The following EDA variants were observed in gnomAD, a reference collection of about 807,000 sequenced individuals.
The protein encoded by EDA is ectodysplasin-A.
A neutral mutation model predicts 23.6 loss-of-function variants in EDA; 2 were observed. The observed-to-expected ratio is 0.08, with a 90% CI of 0.03 to 0.27. EDA has a LOEUF of 0.27. Among genes scored for constraint, EDA ranks in the 10% least tolerant of loss-of-function variants. The probability of loss-of-function intolerance (pLI) is 1.00; values close to 1 mark genes in which losing one functional copy is unlikely to be tolerated. For missense variants in EDA, 229 were observed against 324.2 expected, an observed-to-expected ratio of 0.71 and a Z score of 2.26; for synonymous variants, 131 against 132.0, an observed-to-expected ratio of 0.99 and a Z score of 0.05.
At chrX:69,933,356 G>A (rs989235299) in intron 1 of EDA, among the ~76,000 whole-genome samples, 41 of 110,129 alleles carry the variant, frequency 3.7e-4, no homozygotes, top group East Asian at 5.7e-4. Flanking sequence ...TTCTTGCATC[G>A]TCTGCTACAT....
At chrX:69,978,985 A>G (rs1306834903) in intron 2 of EDA, among the ~76,000 whole-genome samples, 2 of 111,736 alleles carry the variant, frequency 1.8e-5, no homozygotes, top group Non-Finnish European at 3.8e-5. Flanking sequence ...TTGTGCAACC[A>G]TTGCCACTGT....
intron 1 of EDA, among the ~76,000 whole-genome samples, chrX:69,919,842 G>T (rs2018400669): frequency 9.4e-6 from 1 of 106,004 alleles, no homozygotes; most frequent in East Asian, 3.0e-4. Flanking sequence ...ATCTTTGTAG[G>T]CTTCATGATT....
At chrX:69,861,166 G>A in intron 1 of EDA, 2 of 309,392 alleles carry the variant, frequency 6.5e-6, no homozygotes, top group Non-Finnish European at 1.1e-5. Context: ...ATGTAAGACA[G>A]AAGAACAAGC....
At chrX:70,033,656 G>T (rs2020229577) in intron 7 of EDA, 128 bp downstream of exon 7, 2 of 790,206 alleles carry the variant, frequency 2.5e-6, no homozygotes, top group Non-Finnish European at 3.7e-6. Flanking sequence ...TGAGGGGGTG[G>T]GGGGACCGCA....
At chrX:70,034,942 A>C (rs2020244493) in intron 7 of EDA, among the ~76,000 whole-genome samples, 1 of 110,857 alleles carries the variant, frequency 9.0e-6, no homozygotes. Context: ...GTTTCTCCAC[A>C]AATAGTCCGT....
intron 1 of EDA, among the ~76,000 whole-genome samples, chrX:69,738,731 A>T (rs1462966136): frequency 2.8e-5 from 3 of 108,466 alleles, no homozygotes. Flanking sequence ...TTCCAGTTTG[A>T]TTTTTTTCAT....
intron 1 of EDA, among the ~76,000 whole-genome samples, chrX:69,640,626 C>T (rs1486115646): frequency 1.8e-5 from 2 of 110,819 alleles, no homozygotes; most frequent in African/African-American, 6.6e-5. Flanking sequence ...TCTGGCACCC[C>T]AGAGACAAAG....
At chrX:69,902,032 C>T (rs753595325) in intron 1 of EDA, among the ~76,000 whole-genome samples, 38 of 112,037 alleles carry the variant, frequency 3.4e-4, no homozygotes, top group African/African-American at 1.2e-3. Context: ...ATCTTTTAGG[C>T]CAATTAATGT....
At chrX:69,955,262 GA>G (rs2018983066) in intron 1 of EDA, among the ~76,000 whole-genome samples, 1 of 111,930 alleles carries the variant, frequency 8.9e-6, no homozygotes, top group Non-Finnish European at 1.9e-5. Flanking sequence ...CCAATCAAGT[GA>G]CTCAAAAATA....
At chrX:69,797,136 A>AAT (rs1416825545) in intron 1 of EDA, among the ~76,000 whole-genome samples, 1 of 111,377 alleles carries the variant, frequency 9.0e-6, no homozygotes, top group Non-Finnish European at 1.9e-5. Flanking sequence ...GCAAGCGGAT[A>AAT]ATAAAAGGGT....
intron 1 of EDA, among the ~76,000 whole-genome samples, chrX:69,629,383 T>C (rs1016161384): frequency 8.9e-6 from 1 of 112,174 alleles, no homozygotes; most frequent in African/African-American, 3.2e-5. Flanking sequence ...AGCACTGTGC[T>C]GTGTTGTAGG....
At chrX:69,854,539 A>G (rs1334851042) in intron 1 of EDA, among the ~76,000 whole-genome samples, 1 of 111,427 alleles carries the variant, frequency 9.0e-6, no homozygotes, top group African/African-American at 3.3e-5. Context: ...GCTCCCAATT[A>G]TAGATAAGAA....
chrX:69,899,231 A>G (rs1000577363), intron 1 of EDA, among the ~76,000 whole-genome samples: 1 of 111,905 alleles, frequency 8.9e-6, no homozygotes, highest in African/African-American at 3.2e-5. Context: ...GAGAGACACA[A>G]TGAGGTACAT....
chrX:69,702,283 C>T (rs1045493087), intron 1 of EDA, among the ~76,000 whole-genome samples: 3 of 109,966 alleles, frequency 2.7e-5, no homozygotes, highest in Non-Finnish European at 3.8e-5. Context: ...TGGTTCTTGC[C>T]GAGGGTTTGA....
chrX:69,997,179 A>C (rs2019669480), intron 2 of EDA, among the ~76,000 whole-genome samples: 1 of 112,436 alleles, frequency 8.9e-6, no homozygotes, highest in Non-Finnish European at 1.9e-5. Context: ...GAAAGTTTGG[A>C]ACTTCCTAGA....
At chrX:69,979,853 T>A (rs2019378673) in intron 2 of EDA, among the ~76,000 whole-genome samples, 1 of 112,026 alleles carries the variant, frequency 8.9e-6, no homozygotes, top group Non-Finnish European at 1.9e-5. Flanking sequence ...TTATTGTTGG[T>A]TTCATTTGCA....
intron 1 of EDA, among the ~76,000 whole-genome samples, chrX:69,690,626 A>G (rs758413161): frequency 9.0e-6 from 1 of 111,588 alleles, no homozygotes; most frequent in Non-Finnish European, 1.9e-5. Flanking sequence ...GGTTTTGGTA[A>G]CAAGGTAATA....
At chrX:69,650,048 G>A (rs1406088848) in intron 1 of EDA, among the ~76,000 whole-genome samples, 1 of 112,094 alleles carries the variant, frequency 8.9e-6, no homozygotes, top group African/African-American at 3.2e-5. Flanking sequence ...CTCCCTGTTT[G>A]CTGAGGTAGT....
intron 2 of EDA, among the ~76,000 whole-genome samples, chrX:70,013,205 C>T (rs2019900167): frequency 8.9e-6 from 1 of 111,807 alleles, no homozygotes; most frequent in Non-Finnish European, 1.9e-5. Flanking sequence ...GCCCCTCTCC[C>T]ATTGCAGCTG....
Sources: allele counts gnomAD v4.1 joint callset (sites outside exome capture counted in the v4.1 genomes callset), GRCh38; gene constraint gnomAD v4.1.1; transcripts MANE v1.5; gene names NCBI Gene and HGNC (gene_info 2026-07-23, HGNC 2026-07-21).